Variants in KLHL29 observed in about 807,000 individuals in gnomAD.
The protein encoded by KLHL29 is kelch-like protein 29.
In KLHL29, 21 loss-of-function variants were observed where a neutral mutation model predicts 80.4. The observed-to-expected ratio is 0.26, with a 90% CI of 0.19 to 0.38. The LOEUF (loss-of-function observed/expected upper bound fraction) is 0.38. Among genes scored for constraint, KLHL29 ranks in the 10% least tolerant of loss-of-function variants. KLHL29 has a pLI of 1.00. For synonymous variants in KLHL29, 511 were observed against 526.8 expected (o/e 0.97, Z 0.41); for missense variants, 867 against 1,223.9 (o/e 0.71, Z 4.35).
intron 1 of KLHL29, among the ~76,000 whole-genome samples, chr2:23,409,848 C>G (rs572200229): frequency 2.6e-5 from 4 of 152,164 alleles, no homozygotes; most frequent in African/African-American, 9.7e-5. Context: ...CAGGGAGCTC[C>G]GCCTCTTCTT....
intron 2 of KLHL29, among the ~76,000 whole-genome samples, chr2:23,561,732 C>G (rs1667452281): frequency 6.6e-6 from 1 of 152,130 alleles, no homozygotes; most frequent in Non-Finnish European, 1.5e-5. Flanking sequence ...TAAAGTGAGT[C>G]TGCACACGTG....
At chr2:23,477,400 T>C (rs1664667628) in intron 2 of KLHL29, among the ~76,000 whole-genome samples, 4 of 152,246 alleles carry the variant, frequency 2.6e-5, no homozygotes, top group African/African-American at 9.6e-5. Context: ...GGAGAAAATA[T>C]GGCTTTGGAA....
At chr2:23,455,454 G>A (rs1464199719) in intron 1 of KLHL29, among the ~76,000 whole-genome samples, 2 of 152,232 alleles carry the variant, frequency 1.3e-5, no homozygotes, top group East Asian at 1.9e-4. Context: ...TTGTTAAAAA[G>A]CAAATAAATA....
intron 1 of KLHL29, among the ~76,000 whole-genome samples, chr2:23,387,406 G>A (rs1402429854): frequency 2.0e-5 from 3 of 152,126 alleles, no homozygotes; most frequent in East Asian, 1.9e-4. Flanking sequence ...CTTCCTCGCC[G>A]TGTGGTCTTA....
intron 2 of KLHL29, among the ~76,000 whole-genome samples, chr2:23,555,362 A>G (rs1167166557): frequency 6.6e-6 from 1 of 152,202 alleles, no homozygotes; most frequent in African/African-American, 2.4e-5. Context: ...GCCAAAAGTC[A>G]GGGGCTGAGG....
chr2:23,462,423 A>G (rs548099161), intron 1 of KLHL29, among the ~76,000 whole-genome samples: 16 of 152,294 alleles, frequency 1.1e-4, no homozygotes, highest in African/African-American at 3.1e-4. Context: ...ATGATCCCCA[A>G]CTGACAGAAA....
Position 23,695,739 on chromosome 2 carries a change from G to A in KLHL29, c.1659G>A (p.Val553=), listed in dbSNP as rs1572518168. 6.4e-7 allele frequency: 1 copy of A among 1,551,476 alleles called. No homozygotes were observed. Among genetic ancestry groups the A allele is most frequent in the African/African-American group, 1.4e-5 (1 of 73,048 alleles). Residue 553 remains valine (V), a synonymous_variant, in exon 9 of 14, where the codon GTG becomes GTA. Transcript: ENST00000486442. The surrounding 1 kb of genome is among the most constrained non-coding windows in gnomAD (Gnocchi z 7.6). ...CATCAGAAGCCTGCCGGGACCTGGT[G>A]AACGAGGCCAAACGCTACCATATGC... ...IKSSEACRDL[V]NEAKRYHMLP...
intron 1 of KLHL29, among the ~76,000 whole-genome samples, chr2:23,423,934 C>G (rs1662928041): frequency 6.6e-6 from 1 of 152,208 alleles, no homozygotes; most frequent in African/African-American, 2.4e-5. Context: ...CTCCCCGACC[C>G]CATTCACCAT....
At chr2:23,691,263 G>A (rs1225275802) in intron 6 of KLHL29, 2 of 258,100 alleles carry the variant, frequency 7.7e-6, no homozygotes, top group Non-Finnish European at 1.5e-5. Flanking sequence ...CCAAGCCTGG[G>A]TCACGTTGGA....
chr2:23,597,236 G>C (rs1668429087), intron 3 of KLHL29, among the ~76,000 whole-genome samples: 2 of 149,028 alleles, frequency 1.3e-5, no homozygotes, highest in Non-Finnish European at 3.0e-5. Flanking sequence ...TCTGGGCCAG[G>C]TTGCAAACTT....
intron 5 of KLHL29, among the ~76,000 whole-genome samples, chr2:23,671,287 C>G (rs986759240): frequency 6.6e-5 from 10 of 151,962 alleles, no homozygotes; most frequent in African/African-American, 2.2e-4. Context: ...CTCGTGTTCT[C>G]CCATCTCCTT....
chr2:23,559,592 T>C (rs1347790198), intron 2 of KLHL29, among the ~76,000 whole-genome samples: 1 of 151,956 alleles, frequency 6.6e-6, no homozygotes, highest in African/African-American at 2.4e-5. Context: ...GATGAGGAGA[T>C]AGAGGCGGCT....
At chr2:23,483,045 A>G (rs750334587) in intron 2 of KLHL29, among the ~76,000 whole-genome samples, 1 of 152,216 alleles carries the variant, frequency 6.6e-6, no homozygotes, top group Non-Finnish European at 1.5e-5. Context: ...AAATGCAGCA[A>G]AAAGAATGTA....
intron 5 of KLHL29, among the ~76,000 whole-genome samples, chr2:23,670,733 T>C (rs900386157): frequency 6.6e-6 from 1 of 151,938 alleles, no homozygotes; most frequent in South Asian, 2.1e-4. Context: ...CTCTTGGGCT[T>C]TTACCTCCCC....
In KLHL29 at chr2:23,535,152, G is replaced by A. The variant is rs147069305; in HGVS notation, c.-45-27000G>A. On this transcript the variant is annotated intron_variant, in intron 2 of 13. Transcript: ENST00000486442. ...CCTGACCAGACAGGCTGGATACAGG[G>A]GCCTGTTGTGGTCTTCCTGTGGCCT... 1.4e-4 allele frequency among the ~76,000 whole-genome samples: 21 copies of A among 152,336 alleles called. No homozygotes were observed. In the East Asian group the frequency reaches 3.9e-3, roughly 28 times the overall value.
chr2:23,656,777 G>T (rs146953578), intron 5 of KLHL29, among the ~76,000 whole-genome samples: 28 of 152,266 alleles, frequency 1.8e-4, no homozygotes, highest in African/African-American at 6.5e-4. Flanking sequence ...GGCCTGCAGA[G>T]GGGAGGAATT....
At chr2:23,514,569 T>A (rs2103464635) in intron 2 of KLHL29, among the ~76,000 whole-genome samples, 1 of 152,342 alleles carries the variant, frequency 6.6e-6, no homozygotes, top group South Asian at 2.1e-4. Flanking sequence ...GAACAGCTGA[T>A]GACAGAATTC....
intron 2 of KLHL29, among the ~76,000 whole-genome samples, chr2:23,486,425 CTTG>C (rs909412104): frequency 4.0e-5 from 6 of 151,774 alleles, no homozygotes; most frequent in Admixed American, 1.3e-4. Context: ...CTCTTTGGAT[CTTG>C]TTGTTTTTAT....
intron 2 of KLHL29, among the ~76,000 whole-genome samples, chr2:23,521,783 T>C (rs1223981387): frequency 2.0e-5 from 3 of 152,216 alleles, no homozygotes; most frequent in African/African-American, 7.2e-5. Context: ...TAAGGCTCTG[T>C]TGAATTCCAA....
Sources: gnomAD v4.1 joint callset for allele counts (sites outside exome capture counted in the v4.1 genomes callset) on GRCh38, gnomAD v4.1.1 for gene constraint, Gnocchi (gnomAD v3.1) non-coding constraint, MANE v1.5 for transcripts, NCBI Gene and HGNC (gene_info 2026-07-23, HGNC 2026-07-21) for gene names.